C10orf90: variants seen among roughly 807,000 people sequenced by gnomAD.
The protein encoded by C10orf90 is (E2-independent) E3 ubiquitin-conjugating enzyme FATS.
In C10orf90, 56 loss-of-function variants were observed where a neutral mutation model predicts 62.5. The observed-to-expected ratio is 0.90, with a 90% CI of 0.72 to 1.12. C10orf90 has a LOEUF of 1.12. C10orf90 is among the 50% of genes most tolerant of loss of function. The pLI, the probability that C10orf90 is intolerant of heterozygous loss-of-function variation, is 0.00. For missense variants in C10orf90, 970 were observed against 880.4 expected (o/e 1.10, Z -1.29); for synonymous variants, 386 against 340.4 (o/e 1.13, Z -1.47).
intron 4 of C10orf90, among the ~76,000 whole-genome samples, chr10:126,469,505 C>G (rs1193657080): frequency 2.6e-5 from 4 of 152,164 alleles, no homozygotes; most frequent in Non-Finnish European, 5.9e-5. Context: ...CCTGCAGAAT[C>G]TGGGCCATCT....
chr10:126,582,056 T>C (rs1844763748), intron 2 of C10orf90, among the ~76,000 whole-genome samples: 1 of 152,154 alleles, frequency 6.6e-6, no homozygotes, highest in Non-Finnish European at 1.5e-5. Context: ...AACAGCATAT[T>C]CCCGGCATCC....
chr10:126,650,055 A>T (rs1775623749), intron 1 of C10orf90, among the ~76,000 whole-genome samples: 1 of 152,152 alleles, frequency 6.6e-6, no homozygotes, highest in Non-Finnish European at 1.5e-5. Context: ...GTCAGGAGTT[A>T]ACAGGAGATG....
At chr10:126,451,695 G>GAT (rs5788789) in intron 7 of C10orf90, among the ~76,000 whole-genome samples, 34,274 of 151,010 alleles carry the variant, frequency 0.23, 3,983 homozygotes, top group South Asian at 0.29. Context: ...ATAGTCTATT[G>GAT]ATATATATAT....
chr10:126,614,761 G>T (rs1845506993), intron 2 of C10orf90, among the ~76,000 whole-genome samples: 2 of 152,166 alleles, frequency 1.3e-5, no homozygotes, highest in African/African-American at 4.8e-5. Context: ...CCTTGAGAAG[G>T]CATGACACAG....
intron 4 of C10orf90, among the ~76,000 whole-genome samples, chr10:126,502,993 A>G (rs1591026364): frequency 1.3e-5 from 2 of 152,220 alleles, no homozygotes; most frequent in East Asian, 3.8e-4. Flanking sequence ...AATGTTTTAC[A>G]GTCATTTTTA....
intron 4 of C10orf90, among the ~76,000 whole-genome samples, chr10:126,482,224 G>C (rs1032812816): frequency 6.6e-6 from 1 of 152,090 alleles, no homozygotes; most frequent in African/African-American, 2.4e-5. Context: ...TTTGTTATAG[G>C]GGTATCAGTC....
intron 1 of C10orf90, among the ~76,000 whole-genome samples, chr10:126,664,533 GCCCAGACAGCCT>G (rs1169969298): frequency 4.6e-5 from 7 of 152,140 alleles, no homozygotes; most frequent in Non-Finnish European, 1.5e-5. Context: ...GCTGGTGAGA[GCCCAGACAGCCT>G]CAACCCGGTG....
intron 1 of C10orf90, among the ~76,000 whole-genome samples, chr10:126,656,604 A>G (rs1846399604): frequency 6.6e-6 from 1 of 152,232 alleles, no homozygotes; most frequent in Non-Finnish European, 1.5e-5. Context: ...AATACTACAT[A>G]CTTCAGGATT....
intron 5 of C10orf90, 145 bp from the exon 6 acceptor site, chr10:126,461,730 G>T: frequency 1.2e-6 from 1 of 848,426 alleles, no homozygotes; most frequent in Non-Finnish European, 1.8e-6. Flanking sequence ...ACAAGATCAT[G>T]CCTCATCACA....
At chr10:126,513,535 G>C (rs969334634) in intron 3 of C10orf90, among the ~76,000 whole-genome samples, 5 of 152,130 alleles carry the variant, frequency 3.3e-5, no homozygotes, top group African/African-American at 1.2e-4. Context: ...TTAGATTTCA[G>C]AGTACCTCTT....
chr10:126,663,064 T>C (rs984156965), intron 1 of C10orf90, among the ~76,000 whole-genome samples: 5 of 152,206 alleles, frequency 3.3e-5, no homozygotes, highest in Non-Finnish European at 4.4e-5. Flanking sequence ...GTGTTTCCTC[T>C]TTAATCTGTC....
chr10:126,524,515 CAG>C (rs1863875410), intron 2 of C10orf90: 2 of 545,974 alleles, frequency 3.7e-6, no homozygotes, highest in South Asian at 8.0e-5. Context: ...CTCACCTAAG[CAG>C]AGAGTCAGGG....
chr10:126,566,919 C>T (rs555913346), intron 2 of C10orf90, among the ~76,000 whole-genome samples: 6 of 152,094 alleles, frequency 3.9e-5, no homozygotes, highest in South Asian at 2.1e-4. Flanking sequence ...CTACTGAGAC[C>T]GGAAGCCCAG....
chr10:126,511,024 G>C (rs1475519933), intron 3 of C10orf90, among the ~76,000 whole-genome samples: 1 of 152,156 alleles, frequency 6.6e-6, no homozygotes, highest in African/African-American at 2.4e-5. Flanking sequence ...CAATTCTTTG[G>C]CTGCAGCTTC....
chr10:126,534,906 A>C (rs1864193047), intron 2 of C10orf90, among the ~76,000 whole-genome samples: 1 of 152,052 alleles, frequency 6.6e-6, no homozygotes, highest in African/African-American at 2.4e-5. Flanking sequence ...CACTCACTCC[A>C]TTAGCACCCG....
chr10:126,540,302 T>A (rs1204890276), intron 2 of C10orf90, among the ~76,000 whole-genome samples: 1 of 152,152 alleles, frequency 6.6e-6, no homozygotes, highest in Non-Finnish European at 1.5e-5. Flanking sequence ...TTTATGAAAT[T>A]CCAGATTTAA....
intron 3 of C10orf90, among the ~76,000 whole-genome samples, chr10:126,507,745 A>T (rs1380281546): frequency 6.6e-6 from 1 of 152,092 alleles, no homozygotes; most frequent in Non-Finnish European, 1.5e-5. Context: ...GAAAAATTAC[A>T]TTAGAATTCC....
intron 5 of C10orf90, 149 bp downstream of exon 5, chr10:126,464,547 C>A (rs536241590): frequency 3.2e-6 from 3 of 946,974 alleles, no homozygotes; most frequent in Admixed American, 4.6e-5. Context: ...ACTTGGCAAC[C>A]ATTTGTCCCC....
chr10:126,531,070 A>G (rs1864080807), intron 2 of C10orf90, among the ~76,000 whole-genome samples: 1 of 151,630 alleles, frequency 6.6e-6, no homozygotes, highest in African/African-American at 2.4e-5. Flanking sequence ...GCTACTCAGG[A>G]GGCTGAGGCA....
Sources: gnomAD v4.1 joint callset for allele counts (sites outside exome capture counted in the v4.1 genomes callset) on GRCh38, gnomAD v4.1.1 for gene constraint, MANE v1.5 for transcripts, NCBI Gene and HGNC (gene_info 2026-07-23, HGNC 2026-07-21) for gene names.